SGCG: variants seen among roughly 807,000 people sequenced by gnomAD.
SGCG encodes the protein gamma-sarcoglycan.
In SGCG, 26 loss-of-function variants were observed where a neutral mutation model predicts 29.3. The observed-to-expected ratio is 0.89, with a 90% confidence interval of 0.65 to 1.23. The LOEUF (loss-of-function observed/expected upper bound fraction) is 1.23. SGCG is among the 50% of genes most tolerant of loss of function. SGCG has a pLI of 0.00. For missense variants in SGCG, 353 were observed against 356.0 expected (o/e 0.99, Z 0.07); for synonymous variants, 145 against 129.7 (o/e 1.12, Z -0.80).
At chr13:23,167,754 CAG>C in the SGCG span, among the ~76,000 whole-genome samples, 1 of 149,214 alleles carries the variant, frequency 6.7e-6, no homozygotes, top group Admixed American at 6.7e-5. Context: ...CTTTTTGAGA[CAG>C]AGTCTTGCTC....
At chr13:23,289,651 A>G (rs1293726661) in intron 5 of SGCG, among the ~76,000 whole-genome samples, 1 of 151,952 alleles carries the variant, frequency 6.6e-6, no homozygotes, top group Non-Finnish European at 1.5e-5. Flanking sequence ...ATTCATTGTG[A>G]TAAGTTCTCT....
At chr13:23,177,427 G>C (rs530643042), upstream of SGCG, among the ~76,000 whole-genome samples, 1 of 152,066 alleles carries the variant, frequency 6.6e-6, no homozygotes, top group South Asian at 2.1e-4. Context: ...AGGATAAATC[G>C]GGATAAAAAA....
upstream of SGCG, among the ~76,000 whole-genome samples, chr13:23,178,984 G>A (rs988607897): frequency 3.3e-5 from 5 of 152,164 alleles, no homozygotes; most frequent in Admixed American, 1.3e-4. Context: ...CCATAGGTTC[G>A]TAGGACCATG....
intron 2 of SGCG, among the ~76,000 whole-genome samples, chr13:23,227,559 C>A (rs748811033): frequency 4.6e-5 from 7 of 152,130 alleles, no homozygotes; most frequent in Non-Finnish European, 8.8e-5. Context: ...ATGGACAAAC[C>A]GTTTGGCACA....
chr13:23,246,693 C>T (rs1470736882), intron 3 of SGCG: 1 of 218,054 alleles, frequency 4.6e-6, no homozygotes, highest in African/African-American at 2.3e-5. Flanking sequence ...TTGGATTACT[C>T]CAACATGTGC....
intron 1 of SGCG, among the ~76,000 whole-genome samples, chr13:23,181,870 A>T (rs892822793): frequency 6.6e-6 from 1 of 152,200 alleles, no homozygotes; most frequent in African/African-American, 2.4e-5. Context: ...GCAGACCAGT[A>T]CAAAAACGAA....
chr13:23,165,669 C>T, the SGCG span, among the ~76,000 whole-genome samples: 6 of 151,904 alleles, frequency 3.9e-5, no homozygotes, highest in South Asian at 2.1e-4. Context: ...GGATTACAGG[C>T]GCTTGCCACC....
chr13:23,191,136 C>T (rs1466937586), intron 1 of SGCG, among the ~76,000 whole-genome samples: 1 of 152,162 alleles, frequency 6.6e-6, no homozygotes, highest in African/African-American at 2.4e-5. Flanking sequence ...CTTCATTTGA[C>T]ATCGAAATCA....
intron 6 of SGCG, among the ~76,000 whole-genome samples, chr13:23,301,308 T>C (rs925311289): frequency 2.0e-5 from 3 of 152,090 alleles, no homozygotes; most frequent in Admixed American, 2.0e-4. Context: ...AAAGACAAGA[T>C]ATTTTGAAAA....
chr13:23,206,404 A>T (rs1877982228), intron 2 of SGCG, among the ~76,000 whole-genome samples: 1 of 152,192 alleles, frequency 6.6e-6, no homozygotes, highest in Non-Finnish European at 1.5e-5. Context: ...ATATAAATGG[A>T]AGCATGCAAT....
chr13:23,292,822 A>T (rs1175981033), intron 5 of SGCG, among the ~76,000 whole-genome samples: 1 of 152,212 alleles, frequency 6.6e-6, no homozygotes, highest in African/African-American at 2.4e-5. Context: ...GTTTCAAACA[A>T]TGTTACATAA....
At chr13:23,168,439 G>C in the SGCG span, among the ~76,000 whole-genome samples, 1 of 152,176 alleles carries the variant, frequency 6.6e-6, no homozygotes, top group African/African-American at 2.4e-5. Flanking sequence ...GGTATCCTCA[G>C]CCCTGGAACA....
chr13:23,246,481 T>C (rs1410611002), intron 3 of SGCG: 1 of 152,262 alleles, frequency 6.6e-6, no homozygotes, highest in Non-Finnish European at 1.5e-5. Context: ...CCCCAAGGAA[T>C]TTCAGGGTTG....
At chr13:23,256,346 A>G (rs1228159073) in intron 4 of SGCG, among the ~76,000 whole-genome samples, 3 of 152,208 alleles carry the variant, frequency 2.0e-5, no homozygotes, top group African/African-American at 7.2e-5. Context: ...AAGTTACTCA[A>G]GGAAATACAA....
At chr13:23,288,928 A>G (rs1458524584) in intron 5 of SGCG, among the ~76,000 whole-genome samples, 1 of 152,210 alleles carries the variant, frequency 6.6e-6, no homozygotes, top group Non-Finnish European at 1.5e-5. Flanking sequence ...AAGATCTAGC[A>G]ATAGTCCCAA....
intron 2 of SGCG, among the ~76,000 whole-genome samples, chr13:23,212,744 CT>C (rs1165936644): frequency 2.0e-5 from 3 of 152,146 alleles, no homozygotes; most frequent in Non-Finnish European, 4.4e-5. Flanking sequence ...TACTGCTAAG[CT>C]GCTTCCCAAG....
chr13:23,252,062 T>G (rs1879989144), intron 4 of SGCG, among the ~76,000 whole-genome samples: 1 of 152,208 alleles, frequency 6.6e-6, no homozygotes, highest in African/African-American at 2.4e-5. Context: ...AAGTTTTGTT[T>G]AATAACTAAG....
At position 23,234,591 on chromosome 13, in the gene SGCG, CTCT is replaced by C. The variant is rs752243800; in HGVS notation, c.196-18_196-16del. 3 of 1,448,262 alleles carry C rather than the reference CTCT, an allele frequency of 2.1e-6. No homozygotes were observed. Among genetic ancestry groups the C allele is most frequent in the East Asian group, 4.5e-5 (2 of 44,128 alleles). 89.7% of individuals were successfully genotyped at this position (1,448,262 alleles called of 1,614,324 possible). The stretch of plus-strand genomic sequence containing the variant: ...CAAGCAATAAAAATATACGCATTGT[CTCT>C]TTTTTTTTTTTAACAGGCAGGAATG... On this transcript the variant is annotated splice_polypyrimidine_tract_variant and intron_variant, in intron 2 of 7. Coordinates refer to ENST00000218867, the MANE Select transcript of SGCG (RefSeq NM_000231.3).
chr13:23,278,081 G>A (rs574703151), intron 4 of SGCG, among the ~76,000 whole-genome samples: 89 of 150,818 alleles, frequency 5.9e-4, no homozygotes, highest in Non-Finnish European at 2.2e-4. Context: ...TGATTGGCTC[G>A]CCTTGGCCTG....
Sources: gnomAD v4.1 joint callset for allele counts (sites outside exome capture counted in the v4.1 genomes callset) on GRCh38, gnomAD v4.1.1 for gene constraint, MANE v1.5 for transcripts, NCBI Gene and HGNC (gene_info 2026-07-23, HGNC 2026-07-21) for gene names.